Variants in PCA3 observed in about 807,000 individuals in gnomAD.
PCA3 encodes Differential Display code 3.
chr9:76,786,522 C>T (rs182042945), intron 2 of PCA3: 1 of 152,338 alleles, frequency 6.6e-6, no homozygotes, highest in Admixed American at 6.5e-5. Flanking sequence ...TCTGGCTCTC[C>T]TCTTGACACA....
chr9:76,773,477 CT>C, intron 2 of PCA3, among the ~76,000 whole-genome samples: 1 of 130,828 alleles, frequency 7.6e-6, no homozygotes, highest in East Asian at 2.3e-4. Context: ...GAGTCTCGCT[CT>C]TGTCGCCCAG....
chr9:76,777,647 T>G (rs1413649741), intron 2 of PCA3, among the ~76,000 whole-genome samples: 5 of 152,236 alleles, frequency 3.3e-5, no homozygotes, highest in African/African-American at 1.2e-4. Flanking sequence ...AAGTCACATT[T>G]CAATGCTGGT....
At chr9:76,772,632 C>T (rs550036254) in intron 2 of PCA3, among the ~76,000 whole-genome samples, 1 of 152,242 alleles carries the variant, frequency 6.6e-6, no homozygotes, top group East Asian at 1.9e-4. Context: ...GGTGCAATCA[C>T]AGTTCACTGT....
chr9:76,785,033 T>A (rs1246438161), intron 2 of PCA3: 1 of 152,224 alleles, frequency 6.6e-6, no homozygotes, highest in Non-Finnish European at 1.5e-5. Flanking sequence ...TGTTTGATTT[T>A]TTTTCCAGTA....
intron 2 of PCA3, among the ~76,000 whole-genome samples, chr9:76,775,147 A>T (rs1047162247): frequency 1.3e-5 from 2 of 152,170 alleles, no homozygotes; most frequent in East Asian, 1.9e-4. Context: ...GGTCGGGGGG[A>T]AAGAAAGGAC....
intron 2 of PCA3, among the ~76,000 whole-genome samples, chr9:76,780,470 G>A (rs2054254017): frequency 6.6e-6 from 1 of 152,010 alleles, no homozygotes; most frequent in African/African-American, 2.4e-5. Context: ...GGCGGATCAC[G>A]AGGCCAGGAG....
intron 2 of PCA3, among the ~76,000 whole-genome samples, chr9:76,771,018 T>C (rs2053043245): frequency 1.3e-5 from 2 of 152,126 alleles, no homozygotes. Context: ...TTACCATAAA[T>C]AGCAAGCTAA....
chr9:76,774,678 C>T (rs1041781515), intron 2 of PCA3, among the ~76,000 whole-genome samples: 1 of 151,828 alleles, frequency 6.6e-6, no homozygotes, highest in Non-Finnish European at 1.5e-5. Flanking sequence ...AGGCTGGTCT[C>T]GAATTCCCGA....
chr9:76,785,527 A>G (rs146798609), intron 2 of PCA3: 1 of 152,316 alleles, frequency 6.6e-6, no homozygotes, highest in Non-Finnish European at 1.5e-5. Flanking sequence ...ATGCAGTGCA[A>G]ATCCCCAAAG....
intron 2 of PCA3, among the ~76,000 whole-genome samples, chr9:76,776,770 C>T (rs1015915062): frequency 6.6e-6 from 1 of 151,602 alleles, no homozygotes; most frequent in African/African-American, 2.4e-5. Flanking sequence ...CCACCTCAGC[C>T]TCCCAAAGTG....
intron 2 of PCA3, among the ~76,000 whole-genome samples, chr9:76,780,830 G>A (rs969413614): frequency 7.2e-5 from 11 of 152,318 alleles, no homozygotes; most frequent in Non-Finnish European, 1.3e-4. Context: ...CTCCTCCATC[G>A]TATCGGGAGA....
At chr9:76,781,136 C>A (rs984392061) in intron 2 of PCA3, among the ~76,000 whole-genome samples, 1 of 152,172 alleles carries the variant, frequency 6.6e-6, no homozygotes, top group Non-Finnish European at 1.5e-5. Flanking sequence ...TACTTCAAAC[C>A]ATGGTCACCT....
chr9:76,771,568 T>C (rs2053110337), intron 2 of PCA3, among the ~76,000 whole-genome samples: 1 of 152,170 alleles, frequency 6.6e-6, no homozygotes, highest in Non-Finnish European at 1.5e-5. Context: ...AGGGTAATAA[T>C]GGCTACTTTA....
chr9:76,776,475 C>T (rs1272405744), intron 2 of PCA3, among the ~76,000 whole-genome samples: 1 of 151,030 alleles, frequency 6.6e-6, no homozygotes, highest in African/African-American at 2.4e-5. Context: ...TAGTATATCA[C>T]GGTATACATT....
At chr9:76,774,454 T>TTTTATTTATTTATTTA (rs1284882050) in intron 2 of PCA3, among the ~76,000 whole-genome samples, 10 of 54,528 alleles carry the variant, frequency 1.8e-4, no homozygotes, top group African/African-American at 3.6e-4. Context: ...TCAACCCTTT[T>TTTTATTTATTTATTTA]TTTTTTTTTT....
At chr9:76,782,349 A>C (rs10121266) in intron 2 of PCA3, among the ~76,000 whole-genome samples, 1 of 152,180 alleles carries the variant, frequency 6.6e-6, no homozygotes, top group Non-Finnish European at 1.5e-5. Flanking sequence ...AACAGTCAGC[A>C]TTTTTGATAA....
At position 76,764,952 on chromosome 9, in the gene PCA3, T is replaced by G. The variant is rs556491823; in HGVS notation, n.852+28337T>G. ...GTTTAATGTTGCTGACTAACTATACTGAGAGAGAAGAATGATGCAGAGCAG... is the reference window on the plus strand; with the variant it reads ...GTTTAATGTTGCTGACTAACTATACGGAGAGAGAAGAATGATGCAGAGCAG... On this transcript the variant is annotated intron_variant and non_coding_transcript_variant, in intron 2 of 5. Transcript: ENST00000644657. Among the ~76,000 whole-genome samples, 5 of 152,288 alleles carry G rather than the reference T, an allele frequency of 3.3e-5. No homozygotes were observed. In the South Asian group the frequency reaches 1.0e-3, roughly 32 times the overall value.
At chr9:76,784,316 A>G (rs1413373147) in intron 2 of PCA3, 2 of 152,212 alleles carry the variant, frequency 1.3e-5, no homozygotes, top group African/African-American at 2.4e-5. Context: ...AGCATTACCA[A>G]TGAGAGGAAA....
chr9:76,765,227 C>T (rs2052212350), intron 2 of PCA3, among the ~76,000 whole-genome samples: 1 of 151,972 alleles, frequency 6.6e-6, no homozygotes, highest in African/African-American at 2.4e-5. Context: ...AGAGGAGGAG[C>T]CAGCAAAGGA....
Sources: allele counts gnomAD v4.1 joint callset (sites outside exome capture counted in the v4.1 genomes callset), GRCh38; gene constraint gnomAD v4.1.1; transcripts MANE v1.5; gene names NCBI Gene and HGNC (gene_info 2026-07-23, HGNC 2026-07-21).